Variants in FBN2 observed in about 807,000 individuals in gnomAD.
FBN2 encodes the protein fibrillin 2, also known as fibrillin-2.
In FBN2, 105 loss-of-function variants were observed where a neutral mutation model predicts 355.6. The ratio of observed to expected loss-of-function variants is 0.30; its 90% CI spans 0.25 to 0.35. FBN2 has a LOEUF of 0.35. FBN2 is among the 10% of genes least tolerant of loss of function. The probability of loss-of-function intolerance (pLI) is 1.00; values close to 1 mark genes in which losing one functional copy is unlikely to be tolerated. For synonymous variants in FBN2, 1,350 were observed against 1,301.2 expected, an observed-to-expected ratio of 1.04 and a Z score of -0.81; for missense variants, 3,280 against 3,758.7, an observed-to-expected ratio of 0.87 and a Z score of 3.33.
intron 1 of FBN2, among the ~76,000 whole-genome samples, chr5:128,537,094 C>G (rs764591735): frequency 1.3e-5 from 2 of 152,118 alleles, no homozygotes; most frequent in Non-Finnish European, 1.5e-5. Flanking sequence ...ACACGCTCTG[C>G]GATCGGCACC....
At chr5:128,312,254 T>C (rs1286302432) in intron 37 of FBN2, among the ~76,000 whole-genome samples, 2 of 152,206 alleles carry the variant, frequency 1.3e-5, no homozygotes, top group Non-Finnish European at 2.9e-5. Flanking sequence ...TTCATGTTCA[T>C]ATCAGATGTT....
rs769673569 is a variant in FBN2, at chr5:128,344,484, C to T, written c.3244G>A (p.Gly1082Arg). The T allele has an allele frequency of 6.2e-7, 1 of 1,613,566 alleles. No homozygotes were observed. The highest frequency in any genetic ancestry group is 1.7e-5 in the Admixed American group (1 of 60,016). ...KDINECKAFP[G>R]MCTYGKCRNT... The stretch of plus-strand genomic sequence containing the variant: ...CTGCACTTCCCATAAGTGCACATCC[C>T]AGGAAATGCTTTGCATTCATTGATG... Residue 1082 changes from glycine (G) to arginine (R), a missense_variant, in exon 25 of 65, where the codon GGG becomes AGG. By Grantham distance (125) the Gly-to-Arg change is moderately radical. Transcript: ENST00000262464.
chr5:128,479,962 CTCTCTCTCTCTCTCTATA>C (rs1755115347), intron 5 of FBN2, among the ~76,000 whole-genome samples: 2 of 37,528 alleles, frequency 5.3e-5, no homozygotes, highest in Non-Finnish European at 1.0e-4. Context: ...CTCTCTCTCT[CTCTCTCTCTCTCTCTATA>C]TATATATATA....
At chr5:128,425,868 T>G (rs1265462428) in intron 7 of FBN2, among the ~76,000 whole-genome samples, 1 of 152,192 alleles carries the variant, frequency 6.6e-6, no homozygotes, top group Non-Finnish European at 1.5e-5. Context: ...AGAGTTGAAT[T>G]TTCTCATTAT....
chr5:128,438,248 C>T (rs2127042923), intron 7 of FBN2, among the ~76,000 whole-genome samples: 1 of 152,360 alleles, frequency 6.6e-6, no homozygotes, highest in South Asian at 2.1e-4. Context: ...CTGCCTTAGC[C>T]TCCCAAAGTG....
At chr5:128,320,970 T>A (rs1388211989) in intron 34 of FBN2, among the ~76,000 whole-genome samples, 1 of 152,220 alleles carries the variant, frequency 6.6e-6, no homozygotes, top group Non-Finnish European at 1.5e-5. Flanking sequence ...TTATGTTCAC[T>A]TTTTTAATGT....
intron 17 of FBN2, 89 bp from the exon 18 acceptor site, chr5:128,364,814 T>C: frequency 8.7e-7 from 1 of 1,147,114 alleles, no homozygotes; most frequent in South Asian, 1.3e-5. Context: ...ATTCAACATA[T>C]GAAGTGTTTA....
At chr5:128,404,585 A>G (rs961143926) in intron 8 of FBN2, among the ~76,000 whole-genome samples, 1 of 152,248 alleles carries the variant, frequency 6.6e-6, no homozygotes. Context: ...CTTACATTCA[A>G]TATCATCTCA....
chr5:128,274,668 T>C lies in FBN2; in HGVS notation c.7610A>G (p.Gln2537Arg). The C allele has an allele frequency of 1.2e-6, 2 of 1,608,714 alleles. No homozygotes were observed. Among genetic ancestry groups the C allele is most frequent in the Non-Finnish European group, 1.7e-6 (2 of 1,175,110 alleles). Residue 2537 changes from glutamine (Q) to arginine (R), a missense_variant, in exon 60 of 65, where the codon CAA becomes CGA. This residue lies in a region of FBN2 where 2,284 missense variants were observed against 2,749.5 expected (regional missense o/e 0.83). Transcript: ENST00000262464. ...GKTCKDLDECQTKQHNCQFLC... is the reference protein window; with the variant it reads ...GKTCKDLDECRTKQHNCQFLC... ...GAACTGGCAGTTATGCTGCTTTGTT[T>C]GACATTCATCAAGGTCTGAAATTAG...
At chr5:128,486,049 T>C (rs1187330127) in intron 5 of FBN2, among the ~76,000 whole-genome samples, 1 of 151,744 alleles carries the variant, frequency 6.6e-6, no homozygotes, top group African/African-American at 2.4e-5. Flanking sequence ...TCTCAGAGTT[T>C]AACTGCAAAA....
intron 59 of FBN2, 131 bp downstream of exon 59, chr5:128,275,907 A>C: frequency 9.9e-7 from 1 of 1,008,596 alleles, no homozygotes; most frequent in South Asian, 1.3e-5. Flanking sequence ...TCTATGAGCA[A>C]TAACATGGCC....
At chr5:128,284,207 T>C (rs908587350) in intron 55 of FBN2, among the ~76,000 whole-genome samples, 1 of 152,200 alleles carries the variant, frequency 6.6e-6, no homozygotes, top group East Asian at 1.9e-4. Context: ...TTCATGTGAA[T>C]TTTTTAATTT....
chr5:128,357,237 C>T (rs1751523486), intron 20 of FBN2, 39 bp downstream of exon 20: 1 of 1,612,530 alleles, frequency 6.2e-7, no homozygotes, highest in Admixed American at 1.7e-5. Flanking sequence ...CTTATCTTGG[C>T]AGTGAAATTG....
rs1454519192 is a variant in FBN2 at position 128,277,868 on chromosome 5, G to A, written c.7471+12C>T. 3 of 1,613,922 alleles carry A rather than the reference G, an allele frequency of 1.9e-6. No homozygotes were observed. The highest frequency in any genetic ancestry group is 1.1e-5 in the South Asian group (1 of 91,072). Reference sequence around the variant, plus strand: ...CCCCCAAACCCCTGGATATAGAGGTGCCCATCGTTACCTATACAAGAGGTT... The same window carrying A: ...CCCCCAAACCCCTGGATATAGAGGTACCCATCGTTACCTATACAAGAGGTT... On this transcript the variant is annotated intron_variant, in intron 58 of 64. Coordinates refer to ENST00000262464, the MANE Select transcript of FBN2 (RefSeq NM_001999.4).
At chr5:128,396,675 G>A (rs1020116270) in intron 8 of FBN2, among the ~76,000 whole-genome samples, 28 of 152,340 alleles carry the variant, frequency 1.8e-4, no homozygotes, top group African/African-American at 6.7e-4. Flanking sequence ...GTTGCATAGG[G>A]ATAAATTATC....
At chr5:128,370,049 C>A (rs892611624) in intron 15 of FBN2, among the ~76,000 whole-genome samples, 4 of 152,112 alleles carry the variant, frequency 2.6e-5, no homozygotes, top group Non-Finnish European at 5.9e-5. Flanking sequence ...CCTTGAATAT[C>A]CAGTGCCTGA....
chr5:128,458,265 C>T (rs753584736), intron 6 of FBN2, among the ~76,000 whole-genome samples: 1 of 151,922 alleles, frequency 6.6e-6, no homozygotes, highest in Non-Finnish European at 1.5e-5. Context: ...ACAAGAAGAG[C>T]TAACTCTTCT....
At chr5:128,395,319 A>G (rs778132906) in intron 8 of FBN2, 45 bp from the exon 9 acceptor site, 3 of 1,605,800 alleles carry the variant, frequency 1.9e-6, no homozygotes, top group Non-Finnish European at 2.6e-6. Flanking sequence ...GAATTACCTC[A>G]GGTTCTTACA....
At chr5:128,331,256 C>G (rs574322588) in intron 32 of FBN2, among the ~76,000 whole-genome samples, 1 of 152,264 alleles carries the variant, frequency 6.6e-6, no homozygotes, top group Admixed American at 6.5e-5. Flanking sequence ...GCTGCAGGAA[C>G]AAAGATGCCC....
Sources: gnomAD v4.1 joint callset for allele counts (sites outside exome capture counted in the v4.1 genomes callset) on GRCh38, gnomAD v4.1.1 for gene constraint, gnomAD v4.1.1 regional missense constraint, MANE v1.5 for transcripts, NCBI Gene and HGNC (gene_info 2026-07-23, HGNC 2026-07-21) for gene names.